The following ANK3 variants were observed in gnomAD, a reference collection of about 807,000 sequenced individuals.
The protein encoded by ANK3 is ankyrin 3.
Under a neutral mutation model 370.9 loss-of-function variants are expected in ANK3, and 57 were observed. The ratio of observed to expected loss-of-function variants is 0.15; its 90% CI spans 0.12 to 0.19. ANK3 has a LOEUF of 0.19. Ranked by LOEUF, ANK3 falls within the 10% of genes least tolerant of loss-of-function variation. The pLI, the probability that ANK3 is intolerant of heterozygous loss-of-function variation, is 1.00. For synonymous variants in ANK3, 1,929 were observed against 1,946.3 expected, an observed-to-expected ratio of 0.99 and a Z score of 0.23; for missense variants, 4,439 against 5,302.1, an observed-to-expected ratio of 0.84 and a Z score of 5.06.
intron 4 of ANK3, among the ~76,000 whole-genome samples, chr10:60,275,969 G>T (rs920430447): frequency 6.6e-6 from 1 of 152,110 alleles, no homozygotes; most frequent in African/African-American, 2.4e-5. Flanking sequence ...CTTAATAATA[G>T]AATTCTTTAT....
rs77356538 is a variant in ANK3 at position 60,090,924 on chromosome 10, T to G, written c.3329-2566A>C. On this transcript the variant is annotated intron_variant, in intron 28 of 43. Coordinates refer to ENST00000280772, the MANE Select transcript of ANK3 (RefSeq NM_020987.5). ...ATACCATTTACTGACATCTTTTTTT[T>G]TTTGAGACAGATCTCGCCGTGTCGC... Among the ~76,000 whole-genome samples the G allele has an allele frequency of 6.5e-3, 997 of 152,348 alleles. 11 individuals are homozygous for G. Among genetic ancestry groups the G allele is most frequent in the African/African-American group, 0.023 (954 of 41,584 alleles).
At chr10:60,416,296 G>A in intron 2 of ANK3, among the ~76,000 whole-genome samples, 1 of 152,112 alleles carries the variant, frequency 6.6e-6, no homozygotes, top group East Asian at 1.9e-4. Flanking sequence ...GATGGATAAT[G>A]AACAACTATT....
intron 2 of ANK3, among the ~76,000 whole-genome samples, chr10:60,564,678 A>T (rs909837582): frequency 2.6e-5 from 4 of 152,208 alleles, no homozygotes; most frequent in Admixed American, 2.6e-4. Flanking sequence ...ATAATGTGAG[A>T]TTCATCAGAG....
At chr10:60,173,488 A>G in intron 18 of ANK3, among the ~76,000 whole-genome samples, 1 of 152,242 alleles carries the variant, frequency 6.6e-6, no homozygotes, top group East Asian at 1.9e-4. Flanking sequence ...CAGCATAGAC[A>G]AACTGATTCA....
chr10:60,205,342 G>A (rs1426324598), intron 11 of ANK3, among the ~76,000 whole-genome samples: 1 of 152,056 alleles, frequency 6.6e-6, no homozygotes, highest in Non-Finnish European at 1.5e-5. Flanking sequence ...TTTTTGTTGC[G>A]GGAGACTGTC....
Position 60,104,732 on chromosome 10 carries a change from T to C in ANK3, c.3328+1173A>G, listed in dbSNP as rs908604288. Among the ~76,000 whole-genome samples, 4 of 152,244 alleles carry C rather than the reference T, an allele frequency of 2.6e-5. No homozygotes were observed. In the East Asian group the frequency reaches 7.7e-4, roughly 29 times the overall value. On this transcript the variant is annotated intron_variant, in intron 28 of 43. Transcript: ENST00000280772. ...CATGGTTGGTGGCGATTGTGTCTTA[T>C]ACCAAACCTTTGGCATGACAATTTT...
intron 23 of ANK3, among the ~76,000 whole-genome samples, chr10:60,142,442 C>T (rs10821687): frequency 0.071 from 10,763 of 152,144 alleles, 549 homozygotes; most frequent in East Asian, 0.23. Context: ...GAGCCATATT[C>T]TTCCTGGGCC....
chr10:60,083,343 C>A, intron 33 of ANK3, 149 bp downstream of exon 33: 2 of 754,050 alleles, frequency 2.7e-6, no homozygotes, highest in South Asian at 1.9e-5. Context: ...TGAAAGTATA[C>A]TCTGGTAGAA....
chr10:60,113,175 A>G (rs2092833938), intron 26 of ANK3, among the ~76,000 whole-genome samples: 1 of 151,914 alleles, frequency 6.6e-6, no homozygotes, highest in South Asian at 2.1e-4. Flanking sequence ...CAGCACTTCC[A>G]GTGTAGACAC....
At chr10:60,164,154 T>C (rs2132288377) in intron 23 of ANK3, among the ~76,000 whole-genome samples, 1 of 152,310 alleles carries the variant, frequency 6.6e-6, no homozygotes, top group African/African-American at 2.4e-5. Flanking sequence ...TAGTTAGAAA[T>C]GCTAATTTAT....
chr10:60,191,753 A>G (rs563838881), intron 16 of ANK3, among the ~76,000 whole-genome samples: 101 of 152,280 alleles, frequency 6.6e-4, no homozygotes, highest in Non-Finnish European at 1.8e-4. Flanking sequence ...GTATTTCCCA[A>G]AGGAAATAAA....
At chr10:60,611,154 T>G (rs896573865) in intron 2 of ANK3, among the ~76,000 whole-genome samples, 1 of 152,126 alleles carries the variant, frequency 6.6e-6, no homozygotes, top group Non-Finnish European at 1.5e-5. Context: ...GTAACACTAG[T>G]CTCCTTAGAA....
chr10:60,068,341 C>A (rs2082033811), intron 37 of ANK3, among the ~76,000 whole-genome samples: 2 of 152,122 alleles, frequency 1.3e-5, no homozygotes, highest in African/African-American at 2.4e-5. Flanking sequence ...AGAATCATAT[C>A]CATTAGCACA....
Position 60,208,120 on chromosome 10 carries a change from G to A in ANK3, c.1110C>T (p.Ala370=). ...VDDVTNDYLT[A]LHVAAHCGHY... ...GGCCACAGTGGGCAGCCACGTGTAG[G>A]GCAGTCAGGTAGTCATTGGTGACAT... Residue 370 remains alanine, a synonymous_variant, in exon 10 of 44, where the codon GCC becomes GCT. Transcript: ENST00000280772. 2.5e-6 allele frequency: 4 copies of A among 1,614,110 alleles called. No homozygotes were observed. Among genetic ancestry groups the A allele is most frequent in the Non-Finnish European group, 3.4e-6 (4 of 1,179,992 alleles).
intron 1 of ANK3, among the ~76,000 whole-genome samples, chr10:60,637,608 TG>T (rs1425676706): frequency 6.6e-6 from 1 of 152,168 alleles, no homozygotes; most frequent in African/African-American, 2.4e-5. Context: ...TGGCCTTCTC[TG>T]ACATAGTGAA....
intron 2 of ANK3, among the ~76,000 whole-genome samples, chr10:60,586,632 T>C (rs900186777): frequency 2.6e-5 from 4 of 152,174 alleles, no homozygotes; most frequent in Admixed American, 6.5e-5. Context: ...TGTGCTCTGC[T>C]TCTACAATAT....
chr10:60,337,269 C>A (rs2053219440), intron 1 of ANK3, among the ~76,000 whole-genome samples: 2 of 152,142 alleles, frequency 1.3e-5, no homozygotes, highest in Admixed American at 6.5e-5. Flanking sequence ...ATCCTCTCCT[C>A]TTCCACTGCT....
chr10:60,264,867 C>G (rs1294611036), intron 5 of ANK3, among the ~76,000 whole-genome samples: 1 of 152,084 alleles, frequency 6.6e-6, no homozygotes. Flanking sequence ...GCTAAGGTCT[C>G]TAGAGCTAAG....
At chr10:60,405,250 C>CA (rs1010209465) in intron 2 of ANK3, among the ~76,000 whole-genome samples, 55 of 151,142 alleles carry the variant, frequency 3.6e-4, no homozygotes, top group African/African-American at 9.9e-4. Context: ...TTATTTGGAA[C>CA]AAAAAAAATA....
Sources: gnomAD v4.1 joint callset for allele counts (sites outside exome capture counted in the v4.1 genomes callset) on GRCh38, gnomAD v4.1.1 for gene constraint, MANE v1.5 for transcripts, NCBI Gene and HGNC (gene_info 2026-07-23, HGNC 2026-07-21) for gene names.